The following HAS1 variants were observed in gnomAD, a reference collection of about 807,000 sequenced individuals.
HAS1 encodes HA synthase 1.
In HAS1, 27 loss-of-function variants were observed where a neutral mutation model predicts 35.0. That is an observed-to-expected ratio of 0.77 (90% CI 0.57 to 1.06). The LOEUF (loss-of-function observed/expected upper bound fraction) is 1.06. Among genes scored for constraint, HAS1 ranks in the 50% least tolerant of loss-of-function variants. The pLI is 0.00. For synonymous variants in HAS1, 409 were observed against 371.2 expected (o/e 1.10, Z -1.17); for missense variants, 940 against 814.8 (o/e 1.15, Z -1.87).
At chr19:51,715,978 G>T (rs2083583395) in intron 4 of HAS1, among the ~76,000 whole-genome samples, 1 of 152,016 alleles carries the variant, frequency 6.6e-6, no homozygotes, top group African/African-American at 2.4e-5. Flanking sequence ...GCCTCTCTTG[G>T]TAGAGTTCAC....
intron 1 of HAS1, among the ~76,000 whole-genome samples, chr19:51,723,328 G>A (rs564459259): frequency 6.6e-6 from 1 of 152,314 alleles, no homozygotes; most frequent in East Asian, 1.9e-4. Flanking sequence ...TGTCCACGTG[G>A]CCACAAACAC....
At chr19:51,719,089 G>C in intron 2 of HAS1, 117 bp downstream of exon 2, 1 of 594,042 alleles carries the variant, frequency 1.7e-6, no homozygotes, top group Non-Finnish European at 2.9e-6. Context: ...CCACTGCATG[G>C]ATGAAAGAAT....
rs760574425 is a variant in HAS1 at position 51,714,058 on chromosome 19, A to G, written c.1103T>C (p.Phe368Ser). 6.2e-7 allele frequency: 1 copy of G among 1,613,786 alleles called. No homozygotes were observed. Among genetic ancestry groups the G allele is most frequent in the South Asian group, 1.1e-5 (1 of 91,020 alleles). ...SRCYSETPSS[F>S]LRWLSQQTRW... ...TGTCTGCTGGCTCAGCCACCGCAGGAAGGACGAGGGCGTCTCTGAGTAGCA... is the reference window on the plus strand; with the variant it reads ...TGTCTGCTGGCTCAGCCACCGCAGGGAGGACGAGGGCGTCTCTGAGTAGCA... Residue 368 changes from phenylalanine to serine, a missense_variant, in exon 5 of 5, where the codon TTC becomes TCC. Coordinates refer to ENST00000540069, the MANE Select transcript of HAS1 (RefSeq NM_001297436.2).
intron 3 of HAS1, 117 bp from the exon 4 acceptor site, chr19:51,716,505 A>G: frequency 1.2e-6 from 1 of 821,434 alleles, no homozygotes; most frequent in Non-Finnish European, 1.9e-6. Flanking sequence ...AGTCATCATA[A>G]TCTCAATCTC....
chr19:51,719,455 G>T lies in HAS1; in HGVS notation c.450C>A (p.Val150=), dbSNP rs755783997. The T allele has an allele frequency of 6.4e-7, 1 of 1,551,636 alleles. No homozygotes were observed. The highest frequency in any genetic ancestry group is 1.2e-5 in the South Asian group (1 of 84,406). The change falls in exon 2 of 5, where the codon GTC becomes GTA. Residue 150 remains valine (V), a synonymous_variant. Transcript: ENST00000540069. ...ACGTGGCGGGGTCCTCGTCAGCGAA[G>T]ACCTCGCGGAACATGTCGACCATGT... ...DLYMVDMFRE[V]FADEDPATYV... is the part of the protein sequence containing the mutation.
intron 1 of HAS1, 69 bp from the exon 2 acceptor site, chr19:51,719,964 T>A: frequency 9.9e-7 from 1 of 1,010,696 alleles, no homozygotes; most frequent in Non-Finnish European, 1.4e-6. Context: ...CGAGAGAAGA[T>A]TAAAAATCCT....
At chr19:51,714,160 T>A in intron 4 of HAS1, 58 bp from the exon 5 acceptor site, 1 of 1,564,866 alleles carries the variant, frequency 6.4e-7, no homozygotes, top group Non-Finnish European at 8.7e-7. Flanking sequence ...CTGGGCAGGA[T>A]TCTGGAGGCA....
chr19:51,716,897 T>C, intron 3 of HAS1, 71 bp downstream of exon 3: 1 of 1,047,192 alleles, frequency 9.5e-7, no homozygotes, highest in South Asian at 1.3e-5. Context: ...AGTCACATCC[T>C]CAGCCCCATC....
chr19:51,718,623 G>A (rs2083602146), intron 2 of HAS1, among the ~76,000 whole-genome samples: 1 of 152,064 alleles, frequency 6.6e-6, no homozygotes, highest in African/African-American at 2.4e-5. Context: ...CGCACCCTCC[G>A]CCTCCCGGGT....
Position 51,719,829 on chromosome 19 carries a change from C to G in HAS1, c.76G>C (p.Ala26Pro). The G allele has an allele frequency of 6.4e-7, 1 of 1,553,490 alleles. No homozygotes were observed. The highest frequency in any genetic ancestry group is 8.7e-7 in the Non-Finnish European group (1 of 1,152,608). The stretch of plus-strand genomic sequence containing the variant: ...AGGCCCAGGATGAGCAGGGCGAAGG[C>G]GATGGTCAGCACCCTCCGGGCCAGG... ...SGLARRVLTI[A>P]FALLILGLMT... The change falls in exon 2 of 5, where the codon GCC becomes CCC. Residue 26 changes from alanine (A) to proline (P), a missense_variant. By Grantham distance (27) the Ala-to-Pro change is conservative. Transcript: ENST00000540069.
Position 51,719,900 on chromosome 19 carries a change from T to C in HAS1, c.10-5A>G, listed in dbSNP as rs2083616956. The C allele has an allele frequency of 1.3e-6, 2 of 1,527,508 alleles. No homozygotes were observed. Among genetic ancestry groups the C allele is most frequent in the South Asian group, 1.2e-5 (1 of 83,062 alleles). 94.6% of individuals were successfully genotyped at this position (1,527,508 alleles called of 1,614,324 possible). On this transcript the variant is annotated splice_region_variant and splice_polypyrimidine_tract_variant and intron_variant, in intron 1 of 4. Transcript: ENST00000540069. ...AGGAGTGGGCTTGGGCGCGTCCTGC[T>C]GGGAGCGAGAGGGGAAAGGAAGGGG...
Position 51,720,792 on chromosome 19 carries a change from C to T in HAS1, c.10-897G>A, listed in dbSNP as rs779580058. Among the ~76,000 whole-genome samples the T allele has an allele frequency of 3.4e-4, 52 of 152,178 alleles. 1 individual carries two copies. Among genetic ancestry groups the T allele is most frequent in the Non-Finnish European group, 4.4e-5 (3 of 68,024 alleles). ...TTTCTTCCAATACAACTTTTTTCCA[C>T]GTTTTGAAATCTCTTAAATCCGTGA... On this transcript the variant is annotated intron_variant, in intron 1 of 4. Coordinates refer to ENST00000540069, the MANE Select transcript of HAS1 (RefSeq NM_001297436.2).
Position 51,719,656 on chromosome 19 carries a change from C to T in HAS1, c.249G>A (p.Ala83=). 4.5e-6 allele frequency: 7 copies of T among 1,540,266 alleles called. No homozygotes were observed. Among genetic ancestry groups the T allele is most frequent in the Non-Finnish European group, 6.1e-6 (7 of 1,146,428 alleles). The part of the protein sequence containing the change: ...AYLEHRRVAA[A]ARGPLDAATA... ...TGGCTGCATCCAGCGGCCCCCGCGC[C>T]GCCGCCGCCACCCGCCGGTGCTCCA... Residue 83 remains alanine (A), a synonymous_variant, in exon 2 of 5, where the codon GCG becomes GCA. Transcript: ENST00000540069.
At position 51,713,803 on chromosome 19, in the gene HAS1, C is replaced by T. The variant is rs757192303; in HGVS notation, c.1358G>A (p.Gly453Asp). The T allele has an allele frequency of 2.5e-6, 4 of 1,605,802 alleles. No individual in the cohort carries two copies. The highest frequency in any genetic ancestry group is 1.1e-5 in the South Asian group (1 of 90,448). ...CGACAGAAGCACCATGCGCAGGCAG[C>T]CCCGCAGCCAGGCCGCGAAGGCCGC... ...AKAAFAAWLR[G>D]CLRMVLLSLY... The change falls in exon 5 of 5, where the codon GGC becomes GAC. Residue 453 changes from glycine (G) to aspartate (D), a missense_variant. By Grantham distance (94) the Gly-to-Asp change is moderately conservative. Coordinates refer to ENST00000540069, the MANE Select transcript of HAS1 (RefSeq NM_001297436.2). The surrounding 1 kb of genome is among the most constrained non-coding windows in gnomAD (Gnocchi z 4.5).
chr19:51,716,439 C>A, intron 3 of HAS1, 51 bp from the exon 4 acceptor site: 1 of 1,543,962 alleles, frequency 6.5e-7, no homozygotes, highest in Non-Finnish European at 8.8e-7. Flanking sequence ...GTCACCAACA[C>A]CAACTCCAAT....
At position 51,717,091 on chromosome 19, in the gene HAS1, T is replaced by G. The variant is rs772616275; in HGVS notation, c.802A>C (p.Ile268Leu). The change falls in exon 3 of 5, where the codon ATC (isoleucine) becomes CTC (leucine). Residue 268 changes from isoleucine (I) to leucine (L), a missense_variant. Coordinates refer to ENST00000540069, the MANE Select transcript of HAS1 (RefSeq NM_001297436.2). ...ACCCAGGAGTCCAGAGGGTTAAGGATCCGCACGTCCCCACCAACAGCCCCT... is the reference window on the plus strand; with the variant it reads ...ACCCAGGAGTCCAGAGGGTTAAGGAGCCGCACGTCCCCACCAACAGCCCCT... ...RVGAVGGDVR[I>L]LNPLDSWVSF... 3.1e-6 allele frequency: 5 copies of G among 1,613,918 alleles called. No homozygotes were observed. The highest frequency in any genetic ancestry group is 4.2e-6 in the Non-Finnish European group (5 of 1,179,928).
At chr19:51,719,108 G>T in intron 2 of HAS1, 98 bp downstream of exon 2, 1 of 687,310 alleles carries the variant, frequency 1.5e-6, no homozygotes, top group East Asian at 2.9e-5. Context: ...ATAAAGAAAG[G>T]GAGAGAGTCA....
intron 4 of HAS1, among the ~76,000 whole-genome samples, chr19:51,714,732 T>C (rs2083575427): frequency 7.1e-6 from 1 of 140,260 alleles, no homozygotes; most frequent in South Asian, 2.3e-4. Context: ...ACAAGGATAC[T>C]GTAAGGATTG....
intron 1 of HAS1, among the ~76,000 whole-genome samples, chr19:51,723,673 A>T (rs567889857): frequency 1.3e-5 from 2 of 152,102 alleles, no homozygotes; most frequent in East Asian, 3.9e-4. Flanking sequence ...AGAAATACGG[A>T]CATGGCACGT....
Sources: allele counts gnomAD v4.1 joint callset (sites outside exome capture counted in the v4.1 genomes callset), GRCh38; gene constraint gnomAD v4.1.1; non-coding constraint Gnocchi (gnomAD v3.1); transcripts MANE v1.5; gene names NCBI Gene and HGNC (gene_info 2026-07-23, HGNC 2026-07-21).